The following SLIT2 variants were observed in gnomAD, a reference collection of about 807,000 sequenced individuals.
SLIT2 encodes slit homolog 2 protein.
A neutral mutation model predicts 185.7 loss-of-function variants in SLIT2; 41 were observed. The observed-to-expected ratio is 0.22, with a 90% CI of 0.17 to 0.29. The LOEUF (loss-of-function observed/expected upper bound fraction) is 0.29, where lower values mean the gene tolerates loss of function less well. Ranked by LOEUF, SLIT2 falls within the 10% of genes least tolerant of loss-of-function variation. The pLI is 1.00. For missense variants in SLIT2, 1,571 were observed against 1,909.0 expected (o/e 0.82, Z 3.30); for synonymous variants, 693 against 680.2 (o/e 1.02, Z -0.29).
chr4:20,520,051 A>G (rs1389943215), intron 12 of SLIT2, among the ~76,000 whole-genome samples: 2 of 151,594 alleles, frequency 1.3e-5, no homozygotes, highest in African/African-American at 4.8e-5. Flanking sequence ...AAAAAAAAAA[A>G]AAAAAAAGAT....
intron 11 of SLIT2, among the ~76,000 whole-genome samples, chr4:20,511,579 T>C (rs1379951070): frequency 7.0e-6 from 1 of 142,156 alleles, no homozygotes; most frequent in African/African-American, 2.7e-5. Flanking sequence ...TGCCACCACA[T>C]CCAGCTAATT....
intron 29 of SLIT2, among the ~76,000 whole-genome samples, chr4:20,574,170 G>T (rs1273878416): frequency 6.6e-6 from 1 of 151,672 alleles, no homozygotes; most frequent in Non-Finnish European, 1.5e-5. Flanking sequence ...TAGCCAGGAT[G>T]GTCTCGATCT....
At chr4:20,483,198 A>G (rs564505958) in intron 6 of SLIT2, among the ~76,000 whole-genome samples, 1 of 152,156 alleles carries the variant, frequency 6.6e-6, no homozygotes, top group African/African-American at 2.4e-5. Flanking sequence ...ATGTATGACT[A>G]TACTGAAGCT....
intron 11 of SLIT2, among the ~76,000 whole-genome samples, chr4:20,511,587 A>ATTTTTTTTTTTTTTTT (rs759622666): frequency 0.031 from 2,534 of 81,848 alleles, 308 homozygotes; most frequent in Non-Finnish European, 0.041. Flanking sequence ...CATCCAGCTA[A>ATTTTTTTTTTTTTTTT]TTTTTTTTTT....
At position 20,284,376 on chromosome 4, in the gene SLIT2, A is replaced by T. The variant is rs532302083; in HGVS notation, c.395+15495A>T. Among the ~76,000 whole-genome samples, 131 of 152,268 alleles carry T rather than the reference A, an allele frequency of 8.6e-4. 3 individuals are homozygous for T. In the South Asian group the frequency reaches 0.027, roughly 31 times the overall value. On this transcript the variant is annotated intron_variant, in intron 4 of 36. Transcript: ENST00000504154. ...AGCTTACTAACCAAATCCCTTCCAT[A>T]GGTTATACATTCTGTGAGGGTTTGG...
At position 20,528,054 on chromosome 4, in the gene SLIT2, T is replaced by C. The variant is rs1721452062; in HGVS notation, c.1463-895T>C. 6.6e-6 allele frequency among the ~76,000 whole-genome samples: 1 copy of C among 152,190 alleles called. No homozygotes were observed. The highest frequency in any genetic ancestry group is 2.4e-5 in the African/African-American group (1 of 41,444). On this transcript the variant is annotated intron_variant, in intron 15 of 36. Coordinates refer to ENST00000504154, the MANE Select transcript of SLIT2 (RefSeq NM_004787.4). This position sits in a 1 kb window ranked among gnomAD's most constrained non-coding sequence, Gnocchi z 4.2. Reference sequence around the variant, plus strand: ...TTGTTCCCGAAAGCTGTTGTTTCCATTCTGCAGTTCTGAGGAATGGTGGAG... The same window carrying C: ...TTGTTCCCGAAAGCTGTTGTTTCCACTCTGCAGTTCTGAGGAATGGTGGAG...
At chr4:20,412,016 A>AAG (rs1727294725) in intron 4 of SLIT2, among the ~76,000 whole-genome samples, 1 of 152,136 alleles carries the variant, frequency 6.6e-6, no homozygotes, top group Admixed American at 6.5e-5. Flanking sequence ...AGAAACCATC[A>AAG]TTAATATTCT....
intron 4 of SLIT2, among the ~76,000 whole-genome samples, chr4:20,419,512 C>G (rs988075511): frequency 6.6e-6 from 1 of 152,122 alleles, no homozygotes; most frequent in Admixed American, 6.6e-5. Context: ...GATTTCAGAT[C>G]TGGAATACAC....
Position 20,486,196 on chromosome 4 carries a change from A to G in SLIT2, c.540-4A>G, listed in dbSNP as rs771761825. The stretch of plus-strand genomic sequence containing the variant: ...AATTCTAACTTTTCTTTTTAATTCT[A>G]CAGCACTCTCAACAATAACAACATT... On this transcript the variant is annotated splice_region_variant and splice_polypyrimidine_tract_variant and intron_variant, in intron 6 of 36. Coordinates refer to ENST00000504154, the MANE Select transcript of SLIT2 (RefSeq NM_004787.4). The G allele has an allele frequency of 3.8e-6, 6 of 1,576,352 alleles. No individual in the cohort carries two copies. The highest frequency in any genetic ancestry group is 1.3e-5 in the African/African-American group (1 of 74,344).
chr4:20,421,802 G>A (rs1728191576), intron 4 of SLIT2, among the ~76,000 whole-genome samples: 2 of 152,146 alleles, frequency 1.3e-5, no homozygotes, highest in East Asian at 1.9e-4. Flanking sequence ...AATTCTTAAC[G>A]GAATGTTTTC....
chr4:20,489,663 A>G (rs568156263), intron 8 of SLIT2, among the ~76,000 whole-genome samples: 1 of 152,220 alleles, frequency 6.6e-6, no homozygotes, highest in Non-Finnish European at 1.5e-5. Context: ...GCATGCCTGT[A>G]ATTCTAGCTA....
At chr4:20,577,532 G>A (rs556215351) in intron 29 of SLIT2, among the ~76,000 whole-genome samples, 4 of 152,320 alleles carry the variant, frequency 2.6e-5, no homozygotes, top group East Asian at 3.9e-4. Flanking sequence ...CTGGGCATCT[G>A]CCTGTGTTAC....
At chr4:20,286,384 C>T (rs1280923842) in intron 4 of SLIT2, among the ~76,000 whole-genome samples, 3 of 152,156 alleles carry the variant, frequency 2.0e-5, no homozygotes, top group African/African-American at 7.2e-5. Flanking sequence ...AGTTCTACCT[C>T]CACAGTTGGT....
rs533597404 is a variant in SLIT2, at chr4:20,283,738, A to T, written c.395+14857A>T. 1.5e-3 allele frequency among the ~76,000 whole-genome samples: 235 copies of T among 152,310 alleles called. 1 individual carries two copies. Among genetic ancestry groups the T allele is most frequent in the African/African-American group, 5.0e-3 (206 of 41,566 alleles). On this transcript the variant is annotated intron_variant, in intron 4 of 36. Coordinates refer to ENST00000504154, the MANE Select transcript of SLIT2 (RefSeq NM_004787.4). ...ATTAGAGTATGACTCAGTCAAAACT[A>T]TTTCAAAGCTTGATATTAAATAAAC...
At chr4:20,569,651 T>C (rs1725400395) in intron 29 of SLIT2, among the ~76,000 whole-genome samples, 1 of 152,104 alleles carries the variant, frequency 6.6e-6, no homozygotes, top group Admixed American at 6.6e-5. Flanking sequence ...GATTTTTTAT[T>C]TTTATTTTTT....
At chr4:20,286,009 C>T (rs762835371) in intron 4 of SLIT2, among the ~76,000 whole-genome samples, 5 of 152,130 alleles carry the variant, frequency 3.3e-5, no homozygotes, top group South Asian at 4.1e-4. Flanking sequence ...GTGCTTCATT[C>T]GTTTTTCAAT....
At chr4:20,523,658 A>C in intron 12 of SLIT2, 102 bp from the exon 13 acceptor site, 5 of 913,802 alleles carry the variant, frequency 5.5e-6, no homozygotes, top group Non-Finnish European at 8.6e-6. Context: ...TTGAGGTGAA[A>C]AGAAATATAT....
Position 20,518,180 on chromosome 4 carries a change from TATATACATATACATAC to T in SLIT2, c.1059-1190_1059-1175del, listed in dbSNP as rs1329800616. 8.8e-3 allele frequency among the ~76,000 whole-genome samples: 1,274 copies of T among 144,898 alleles called. 39 individuals carry two copies. Among genetic ancestry groups the T allele is most frequent in the African/African-American group, 0.031 (1,219 of 39,204 alleles). ...ATACATACATATACATATATTTATA[TATATACATATACATAC>T]ATATACATATATTTATATATATATA... On this transcript the variant is annotated intron_variant, in intron 11 of 36. Transcript: ENST00000504154.
chr4:20,458,452 A>G (rs1043407703), intron 4 of SLIT2, among the ~76,000 whole-genome samples: 1 of 152,214 alleles, frequency 6.6e-6, no homozygotes, highest in Non-Finnish European at 1.5e-5. Flanking sequence ...GACCATGGGC[A>G]TAACAGTTAC....
Sources: gnomAD v4.1 joint callset for allele counts (sites outside exome capture counted in the v4.1 genomes callset) on GRCh38, gnomAD v4.1.1 for gene constraint, Gnocchi (gnomAD v3.1) non-coding constraint, MANE v1.5 for transcripts, NCBI Gene and HGNC (gene_info 2026-07-23, HGNC 2026-07-21) for gene names.